Variants in RUFY1 observed in about 807,000 individuals in gnomAD.
RUFY1 encodes the protein RUN and FYVE domain-containing protein 1.
A neutral mutation model predicts 94.6 loss-of-function variants in RUFY1; 54 were observed. That is an observed-to-expected ratio of 0.57 (90% CI 0.46 to 0.72). The LOEUF (loss-of-function observed/expected upper bound fraction) is 0.72, where lower values mean the gene tolerates loss of function less well. Among genes scored for constraint, RUFY1 ranks in the 30% least tolerant of loss-of-function variants. RUFY1 has a pLI of 0.00. For missense variants in RUFY1, 883 were observed against 883.9 expected, an observed-to-expected ratio of 1.00 and a Z score of 0.01; for synonymous variants, 396 against 347.3, an observed-to-expected ratio of 1.14 and a Z score of -1.56.
chr5:179,567,790 G>C (rs1762943084), intron 4 of RUFY1, among the ~76,000 whole-genome samples: 1 of 152,164 alleles, frequency 6.6e-6, no homozygotes. Context: ...TGTAATCCCA[G>C]CTACTCAGAA....
At chr5:179,606,030 G>A in intron 16 of RUFY1, 106 bp downstream of exon 16, 3 of 789,956 alleles carry the variant, frequency 3.8e-6, no homozygotes, top group East Asian at 2.5e-5. Flanking sequence ...TGTGGTTGAG[G>A]CAGTGGTGAT....
At chr5:179,606,087 G>A (rs1272150780) in intron 16 of RUFY1, 163 bp downstream of exon 16, 15 of 609,756 alleles carry the variant, frequency 2.5e-5, no homozygotes, top group Non-Finnish European at 3.8e-5. Context: ...CGTGTCCCTC[G>A]GCTGAGGGCG....
At chr5:179,591,148 T>G (rs1372931421) in intron 9 of RUFY1, among the ~76,000 whole-genome samples, 1 of 151,950 alleles carries the variant, frequency 6.6e-6, no homozygotes, top group African/African-American at 2.4e-5. Flanking sequence ...ACTTAACTTT[T>G]CAAATATCTA....
Position 179,609,766 on chromosome 5 carries a change from AC to A in RUFY1, c.*248del, listed in dbSNP as rs746335628. 2.1e-4 allele frequency: 89 copies of A among 427,674 alleles called. No homozygotes were observed. The highest frequency in any genetic ancestry group is 8.1e-4 in the Admixed American group (19 of 23,384). The allele number at this position is 427,674 out of a possible 1,614,324, so 26.5% of individuals were successfully genotyped here. On this transcript the variant is annotated 3_prime_UTR_variant, in exon 18 of 18. Coordinates refer to ENST00000319449, the MANE Select transcript of RUFY1 (RefSeq NM_025158.5). ...GTTACATCACGGCTCTGGTTCAGAT[AC>A]AACTTCATGATTTTGCTACTATCAT...
At chr5:179,566,738 C>T (rs1385763203) in intron 3 of RUFY1, among the ~76,000 whole-genome samples, 1 of 151,772 alleles carries the variant, frequency 6.6e-6, no homozygotes, top group Non-Finnish European at 1.5e-5. Context: ...TGTATCTTAC[C>T]ACAATTAATA....
intron 5 of RUFY1, among the ~76,000 whole-genome samples, chr5:179,571,901 T>C (rs1474544661): frequency 6.6e-6 from 1 of 152,228 alleles, no homozygotes; most frequent in Non-Finnish European, 1.5e-5. Flanking sequence ...ACATTGACCC[T>C]TTTTCAGAAT....
At position 179,585,103 on chromosome 5, in the gene RUFY1, A is replaced by C. The variant is rs576734119; in HGVS notation, c.957-693A>C. Among the ~76,000 whole-genome samples, 72 of 152,210 alleles carry C rather than the reference A, an allele frequency of 4.7e-4. 1 individual carries two copies. In the South Asian group the frequency reaches 9.3e-3, roughly 20 times the overall value. On this transcript the variant is annotated intron_variant, in intron 7 of 17. Coordinates refer to ENST00000319449, the MANE Select transcript of RUFY1 (RefSeq NM_025158.5). ...TTGAGCTCGCGCCACTGCACTCCAG[A>C]CTAGGCGAAAGAGTAAGACTCTGTC...
At chr5:179,563,231 C>T (rs539484525) in intron 3 of RUFY1, among the ~76,000 whole-genome samples, 4 of 152,284 alleles carry the variant, frequency 2.6e-5, no homozygotes, top group African/African-American at 9.6e-5. Flanking sequence ...CGGGACTGGA[C>T]TGTTGAGCGT....
chr5:179,564,119 C>CTTTTT (rs59530799), intron 3 of RUFY1, among the ~76,000 whole-genome samples: 9 of 133,540 alleles, frequency 6.7e-5, no homozygotes, highest in Non-Finnish European at 9.4e-5. Context: ...CTGATGTTTT[C>CTTTTT]TTTTTTTTTT....
chr5:179,589,530 A>C lies in RUFY1; in HGVS notation c.1027-16A>C, dbSNP rs1267954604. ...TAATTTTGATGTTAAGAACTGTAAA[A>C]ATTTTCCTTAATCAGCTTTCAGCTG... On this transcript the variant is annotated splice_polypyrimidine_tract_variant and intron_variant, in intron 8 of 17. Coordinates refer to ENST00000319449, the MANE Select transcript of RUFY1 (RefSeq NM_025158.5). 9.5e-6 allele frequency: 15 copies of C among 1,575,452 alleles called. No homozygotes were observed. The highest frequency in any genetic ancestry group is 1.3e-5 in the Non-Finnish European group (15 of 1,145,410).
chr5:179,609,727 T>C lies in RUFY1; in HGVS notation c.*208T>C. 1 of 494,442 alleles carries C rather than the reference T, an allele frequency of 2.0e-6. No individual in the cohort carries two copies. Among genetic ancestry groups the C allele is most frequent in the South Asian group, 3.4e-5 (1 of 29,494 alleles). The allele number at this position is 494,442 out of a possible 1,614,324, so 30.6% of individuals were successfully genotyped here. ...GGAATTAACTCCTCTGGATGGAAACTTCCATCTTACTTGGTTACATCACGG... is the reference window on the plus strand; with the variant it reads ...GGAATTAACTCCTCTGGATGGAAACCTCCATCTTACTTGGTTACATCACGG... On this transcript the variant is annotated 3_prime_UTR_variant, in exon 18 of 18. Coordinates refer to ENST00000319449, the MANE Select transcript of RUFY1 (RefSeq NM_025158.5).
intron 1 of RUFY1, among the ~76,000 whole-genome samples, chr5:179,555,998 G>A (rs55965681): frequency 0.041 from 6,183 of 151,726 alleles, 176 homozygotes; most frequent in Non-Finnish European, 0.06. Flanking sequence ...GCTCCCAGCC[G>A]AAAACTTAAC....
rs56030209 is a variant in RUFY1, at chr5:179,576,272, C to T, written c.829-803C>T. On this transcript the variant is annotated intron_variant, in intron 5 of 17. Coordinates refer to ENST00000319449, the MANE Select transcript of RUFY1 (RefSeq NM_025158.5). ...CAAGTGCTTTATTTCTTGGCAAAGC[C>T]GTTGATGTTTAGATGTGTAAGGGGT... Among the ~76,000 whole-genome samples, 1,381 of 152,142 alleles carry T rather than the reference C, an allele frequency of 9.1e-3. 24 individuals carry two copies. The highest frequency in any genetic ancestry group is 0.03 in the African/African-American group (1,231 of 41,486).
intron 12 of RUFY1, among the ~76,000 whole-genome samples, chr5:179,595,255 G>A (rs896684774): frequency 2.9e-4 from 44 of 152,142 alleles, no homozygotes; most frequent in Admixed American, 2.5e-3. Flanking sequence ...CGAGGCGGGC[G>A]GATCACGAGG....
At chr5:179,552,236 G>GTGTGGCCA (rs1300709956) in intron 1 of RUFY1, among the ~76,000 whole-genome samples, 3 of 150,504 alleles carry the variant, frequency 2.0e-5, no homozygotes, top group Middle Eastern at 3.5e-3. Flanking sequence ...AGTAGCCTGT[G>GTGTGGCCA]TGTGGCCAGT....
Position 179,609,418 on chromosome 5 carries a change from T to A in RUFY1, c.2026T>A (p.Ser676Thr), listed in dbSNP as rs1187344562. The A allele has an allele frequency of 6.2e-7, 1 of 1,613,394 alleles. No individual in the cohort carries two copies. The change falls in exon 18 of 18, where the codon TCC (serine) becomes ACC (threonine). Residue 676 changes from serine to threonine, a missense_variant. Ser to Thr is a moderately conservative substitution (Grantham distance 58). Transcript: ENST00000319449. ...TGGCCACATCTTCTGCAACACCTGC[T>A]CCAGCAACGAGCTGGCCCTGCCCTC... ...NCGHIFCNTC[S>T]SNELALPSYP...
At chr5:179,591,329 C>T (rs988154483) in intron 9 of RUFY1, among the ~76,000 whole-genome samples, 2 of 151,918 alleles carry the variant, frequency 1.3e-5, no homozygotes, top group South Asian at 2.1e-4. Flanking sequence ...GGACTACAGG[C>T]GCCCACCACC....
chr5:179,566,708 A>T (rs1762858448), intron 3 of RUFY1, among the ~76,000 whole-genome samples: 1 of 152,138 alleles, frequency 6.6e-6, no homozygotes. Context: ...AATGGTTAAC[A>T]TGGTAAATTT....
chr5:179,609,566 T>C lies in RUFY1; in HGVS notation c.*47T>C. 6.6e-7 allele frequency: 1 copy of C among 1,516,970 alleles called. No individual in the cohort carries two copies. The highest frequency in any genetic ancestry group is 8.8e-7 in the Non-Finnish European group (1 of 1,130,476). 94.0% of individuals were successfully genotyped at this position (1,516,970 alleles called of 1,614,324 possible). On this transcript the variant is annotated 3_prime_UTR_variant, in exon 18 of 18. Coordinates refer to ENST00000319449, the MANE Select transcript of RUFY1 (RefSeq NM_025158.5). ...GCCTCACGGACAGTGCCAAACCCTGTGGGTCTCCAGGGGCTTGGGAAATGT... is the reference window on the plus strand; with the variant it reads ...GCCTCACGGACAGTGCCAAACCCTGCGGGTCTCCAGGGGCTTGGGAAATGT...
Sources: allele counts gnomAD v4.1 joint callset (sites outside exome capture counted in the v4.1 genomes callset), GRCh38; gene constraint gnomAD v4.1.1; transcripts MANE v1.5; gene names NCBI Gene and HGNC (gene_info 2026-07-23, HGNC 2026-07-21).